RALGPS2: variants seen among roughly 807,000 people sequenced by gnomAD.
RALGPS2 encodes the protein ras-specific guanine nucleotide-releasing factor RalGPS2.
A neutral mutation model predicts 86.8 loss-of-function variants in RALGPS2; 43 were observed. The ratio of observed to expected loss-of-function variants is 0.50; its 90% confidence interval spans 0.39 to 0.64. RALGPS2 has a LOEUF of 0.64. Ranked by LOEUF, RALGPS2 falls within the 30% of genes least tolerant of loss-of-function variation. RALGPS2 has a pLI of 0.00. For synonymous variants in RALGPS2, 243 were observed against 231.3 expected (o/e 1.05, Z -0.46); for missense variants, 536 against 694.6 (o/e 0.77, Z 2.57).
intron 12 of RALGPS2, 27 bp from the exon 13 acceptor site, chr1:178,885,942 G>T (rs1659461202): frequency 1.3e-6 from 2 of 1,539,344 alleles, no homozygotes; most frequent in Non-Finnish European, 1.8e-6. Context: ...AATAATAAAA[G>T]ATATGAACTT....
At chr1:178,863,862 A>G (rs1170107619) in intron 8 of RALGPS2, among the ~76,000 whole-genome samples, 1 of 152,222 alleles carries the variant, frequency 6.6e-6, no homozygotes, top group Non-Finnish European at 1.5e-5. Context: ...TGACAGAGAG[A>G]TGAAACCACT....
At chr1:178,839,743 A>G (rs556815535) in intron 8 of RALGPS2, among the ~76,000 whole-genome samples, 5 of 152,368 alleles carry the variant, frequency 3.3e-5, no homozygotes, top group African/African-American at 1.2e-4. Context: ...AAGACCCATC[A>G]GTGTGCTGTA....
intron 8 of RALGPS2, among the ~76,000 whole-genome samples, chr1:178,834,399 A>G (rs2102251255): frequency 6.6e-6 from 1 of 152,312 alleles, no homozygotes; most frequent in East Asian, 1.9e-4. Flanking sequence ...TTACAGTGTC[A>G]CCTTGAAGTG....
At chr1:178,878,403 T>A (rs997016030) in intron 9 of RALGPS2, among the ~76,000 whole-genome samples, 1 of 152,172 alleles carries the variant, frequency 6.6e-6, no homozygotes, top group Non-Finnish European at 1.5e-5. Context: ...AAAAACTTCC[T>A]AAAACTATCA....
At chr1:178,761,057 C>G (rs1572296400) in intron 1 of RALGPS2, among the ~76,000 whole-genome samples, 1 of 151,798 alleles carries the variant, frequency 6.6e-6, no homozygotes, top group African/African-American at 2.4e-5. Context: ...TCACCACAAC[C>G]TTTGCCTCCC....
intron 7 of RALGPS2, among the ~76,000 whole-genome samples, chr1:178,829,375 G>A (rs1295388250): frequency 6.6e-6 from 1 of 152,198 alleles, no homozygotes; most frequent in Non-Finnish European, 1.5e-5. Flanking sequence ...GAGGTGGGCA[G>A]CAGGCAAGTG....
intron 13 of RALGPS2, among the ~76,000 whole-genome samples, chr1:178,889,082 C>A (rs1659612826): frequency 6.6e-6 from 1 of 151,736 alleles, no homozygotes; most frequent in Non-Finnish European, 1.5e-5. Context: ...GTTTGAAGAC[C>A]ATTTTATTTT....
chr1:178,769,158 G>C (rs1652659135), intron 1 of RALGPS2, among the ~76,000 whole-genome samples: 1 of 152,104 alleles, frequency 6.6e-6, no homozygotes, highest in African/African-American at 2.4e-5. Context: ...TGGCCATAGA[G>C]CAGAGAGGCC....
At chr1:178,788,841 C>CTTTCTTTCTTTTCTTTTCTTTTCT (rs1183666679) in intron 4 of RALGPS2, among the ~76,000 whole-genome samples, 5 of 132,442 alleles carry the variant, frequency 3.8e-5, no homozygotes, top group African/African-American at 1.5e-4. Context: ...TTCTTTCTTT[C>CTTTCTTTCTTTTCTTTTCTTTTCT]TTTCTTTTCT....
intron 13 of RALGPS2, among the ~76,000 whole-genome samples, chr1:178,887,397 G>A (rs939316394): frequency 2.6e-5 from 4 of 152,166 alleles, no homozygotes; most frequent in Non-Finnish European, 2.9e-5. Flanking sequence ...AGGTTGCAGC[G>A]AGCCATGTTC....
intron 1 of RALGPS2, among the ~76,000 whole-genome samples, chr1:178,732,422 C>T (rs1471305707): frequency 1.3e-5 from 2 of 152,096 alleles, no homozygotes; most frequent in African/African-American, 4.8e-5. Flanking sequence ...CCTCAGCCTC[C>T]CAAGTAGCTG....
intron 7 of RALGPS2, among the ~76,000 whole-genome samples, chr1:178,830,049 A>G (rs1461654458): frequency 6.6e-6 from 1 of 152,186 alleles, no homozygotes; most frequent in Admixed American, 6.5e-5. Context: ...CCAGCCTAAA[A>G]GAGTGAATCT....
intron 1 of RALGPS2, among the ~76,000 whole-genome samples, chr1:178,761,035 C>T (rs915722832): frequency 1.3e-5 from 2 of 148,798 alleles, no homozygotes; most frequent in African/African-American, 5.0e-5. Flanking sequence ...AGTGCAATGG[C>T]ACAATCTTGG....
intron 19 of RALGPS2, among the ~76,000 whole-genome samples, chr1:178,908,791 T>C (rs960646717): frequency 2.6e-5 from 4 of 152,202 alleles, no homozygotes; most frequent in African/African-American, 9.6e-5. Flanking sequence ...AAGTTTCTTA[T>C]AGATTCTAGA....
intron 6 of RALGPS2, among the ~76,000 whole-genome samples, chr1:178,819,610 C>A (rs1269239736): frequency 2.0e-5 from 3 of 152,174 alleles, no homozygotes. Context: ...CAGCTTACAT[C>A]TCTGGATTCT....
intron 4 of RALGPS2, among the ~76,000 whole-genome samples, chr1:178,791,038 T>C (rs1653926025): frequency 1.3e-5 from 2 of 152,198 alleles, no homozygotes; most frequent in African/African-American, 4.8e-5. Flanking sequence ...ATATCAATAT[T>C]CAGGTCTCTA....
chr1:178,879,989 C>G (rs1162421632), intron 10 of RALGPS2, among the ~76,000 whole-genome samples: 1 of 151,820 alleles, frequency 6.6e-6, no homozygotes, highest in Non-Finnish European at 1.5e-5. Context: ...GAGCTTATTT[C>G]TCTTGAAGCT....
At chr1:178,777,368 A>T (rs1653149067) in intron 2 of RALGPS2, among the ~76,000 whole-genome samples, 1 of 152,016 alleles carries the variant, frequency 6.6e-6, no homozygotes. Context: ...GAGAACTACA[A>T]ACCACTGCTC....
intron 1 of RALGPS2, among the ~76,000 whole-genome samples, chr1:178,744,642 C>G (rs545993342): frequency 2.0e-5 from 3 of 151,652 alleles, no homozygotes; most frequent in Non-Finnish European, 2.9e-5. Flanking sequence ...GGTGAAACCC[C>G]GTCTCTACTA....
Sources: gnomAD v4.1 joint callset for allele counts (sites outside exome capture counted in the v4.1 genomes callset) on GRCh38, gnomAD v4.1.1 for gene constraint, MANE v1.5 for transcripts, NCBI Gene and HGNC (gene_info 2026-07-23, HGNC 2026-07-21) for gene names.